Variants in ANKS3 observed in about 807,000 individuals in gnomAD.
ANKS3 encodes ankyrin repeat and sterile alpha motif domain containing 3, also known as ankyrin repeat and SAM domain-containing protein 3.
A neutral mutation model predicts 80.7 loss-of-function variants in ANKS3; 62 were observed. The observed-to-expected ratio is 0.77, with a 90% CI of 0.63 to 0.95. The LOEUF is 0.95. Ranked by LOEUF, ANKS3 falls within the 40% of genes least tolerant of loss-of-function variation. The pLI is 0.00. For synonymous variants in ANKS3, 489 were observed against 355.3 expected, an observed-to-expected ratio of 1.38 and a Z score of -4.23; for missense variants, 1,150 against 883.6, an observed-to-expected ratio of 1.30 and a Z score of -3.82.
At chr16:4,698,103 T>TGGCCGCTGCAGAGCCCC in intron 14 of ANKS3, 41 bp from the exon 15 acceptor site, 1 of 1,547,090 alleles carries the variant, frequency 6.5e-7, no homozygotes, top group Non-Finnish European at 8.8e-7. Context: ...AGCAGAGGCC[T>TGGCCGCTGCAGAGCCCC]GGCCGCTGCA....
At chr16:4,731,459 T>G (rs1210072119) in intron 2 of ANKS3, 53 bp downstream of exon 2, 1 of 172,680 alleles carries the variant, frequency 5.8e-6, no homozygotes, top group Non-Finnish European at 1.1e-5. Flanking sequence ...TTTGTATTTT[T>G]AGTAGAGACG....
At chr16:4,707,351 G>T (rs931663451) in intron 7 of ANKS3, among the ~76,000 whole-genome samples, 1 of 147,638 alleles carries the variant, frequency 6.8e-6, no homozygotes, top group East Asian at 2.0e-4. Flanking sequence ...GCACAATCTC[G>T]GCTCATTGTA....
At chr16:4,704,516 C>T (rs2080084026) in intron 8 of ANKS3, among the ~76,000 whole-genome samples, 1 of 152,158 alleles carries the variant, frequency 6.6e-6, no homozygotes. Flanking sequence ...CCCCAGCACT[C>T]CCCAAGAGCA....
At position 4,698,698 on chromosome 16, in the gene ANKS3, G is replaced by A. The variant is rs2079726937; in HGVS notation, c.1552-99C>T. ...CTGTGTGTGGGGCCCTCTCCCCACT[G>A]CATCCACCTGACCCCTCCACACAGC... On this transcript the variant is annotated intron_variant, in intron 13 of 17. Transcript: ENST00000304283. The A allele has an allele frequency of 4.6e-6, 7 of 1,529,628 alleles. No homozygotes were observed. In the Admixed American group the frequency reaches 7.6e-5, roughly 17 times the overall value. The allele number at this position is 1,529,628 out of a possible 1,614,324, so 94.8% of individuals were successfully genotyped here.
At chr16:4,709,188 C>T (rs997688396) in intron 7 of ANKS3, among the ~76,000 whole-genome samples, 11 of 151,866 alleles carry the variant, frequency 7.2e-5, no homozygotes, top group African/African-American at 2.7e-4. Flanking sequence ...GGGTGGACCA[C>T]CTTATGTCGG....
At chr16:4,718,705 C>G (rs1205486072) in intron 6 of ANKS3, among the ~76,000 whole-genome samples, 1 of 152,222 alleles carries the variant, frequency 6.6e-6, no homozygotes, top group Admixed American at 6.5e-5. Context: ...CGCTGGCAGG[C>G]AAACCACCCA....
At chr16:4,730,414 C>A (rs533421569) in intron 2 of ANKS3, among the ~76,000 whole-genome samples, 4 of 152,314 alleles carry the variant, frequency 2.6e-5, no homozygotes, top group African/African-American at 9.6e-5. Context: ...GTACCTGCTC[C>A]TCCTTCCAAC....
At chr16:4,704,390 G>A (rs1381118621) in intron 8 of ANKS3, among the ~76,000 whole-genome samples, 1 of 152,116 alleles carries the variant, frequency 6.6e-6, no homozygotes, top group African/African-American at 2.4e-5. Flanking sequence ...GCCTTGGCCT[G>A]GCTATGAGTG....
chr16:4,720,049 C>G (rs1055787691), intron 6 of ANKS3, among the ~76,000 whole-genome samples: 8 of 148,860 alleles, frequency 5.4e-5, no homozygotes, highest in African/African-American at 2.0e-4. Context: ...GGAATCCCAG[C>G]TACTCGGGAG....
Position 4,726,642 on chromosome 16 carries a change from A to C in ANKS3, c.491+17T>G. On this transcript the variant is annotated intron_variant, in intron 5 of 17. Transcript: ENST00000304283. ...CACCTAGGCCACTCCTGTGGCCACT[A>C]AAGATGTGGCAATCACCTCACGTTG... 1 of 1,611,886 alleles carries C rather than the reference A, an allele frequency of 6.2e-7. No individual in the cohort carries two copies.
intron 6 of ANKS3, among the ~76,000 whole-genome samples, chr16:4,721,319 A>G (rs546944934): frequency 1.5e-4 from 22 of 149,970 alleles, no homozygotes; most frequent in African/African-American, 2.2e-4. Context: ...AAAAAAAAAA[A>G]AGAGAGGGGC....
Position 4,724,786 on chromosome 16 carries a change from A to T in ANKS3, c.537T>A (p.Ala179=). 1 of 1,614,126 alleles carries T rather than the reference A, an allele frequency of 6.2e-7. No individual in the cohort carries two copies. The highest frequency in any genetic ancestry group is 8.5e-7 in the Non-Finnish European group (1 of 1,179,986). ...AATACTGCACGATTATCTCATGGCC[A>T]GCAGCAGCTGCTTCCATCAAGGGAG... is the stretch of plus-strand genomic sequence containing the variant. The part of the protein sequence containing the change: ...GFTPLMEAAA[A]GHEIIVQYFL... Residue 179 remains alanine (A), a synonymous_variant, in exon 6 of 18, where the codon GCT becomes GCA. Coordinates refer to ENST00000304283, the MANE Select transcript of ANKS3 (RefSeq NM_133450.4).
chr16:4,714,384 G>A, intron 6 of ANKS3, 198 bp from the exon 7 acceptor site: 2 of 737,896 alleles, frequency 2.7e-6, no homozygotes, highest in Non-Finnish European at 4.3e-6. Flanking sequence ...TCTTCTTAGG[G>A]ACAAGGATGA....
chr16:4,702,903 T>A (rs927850317), intron 8 of ANKS3, among the ~76,000 whole-genome samples: 1 of 152,102 alleles, frequency 6.6e-6, no homozygotes, highest in Non-Finnish European at 1.5e-5. Flanking sequence ...CTTGGGAGGC[T>A]GAGACAGGAG....
rs148087915 is a variant in ANKS3 at position 4,697,222 on chromosome 16, G to A, written c.1894+111C>T. On this transcript the variant is annotated intron_variant, in intron 16 of 17. Transcript: ENST00000304283. Reference sequence around the variant, plus strand: ...CCTCACCCGTTATGGCCCCAGCCCCGAGGTCAGCCTTGGGGTAGAGAGACA... The same window carrying A: ...CCTCACCCGTTATGGCCCCAGCCCCAAGGTCAGCCTTGGGGTAGAGAGACA... The A allele has an allele frequency of 3.7e-4, 567 of 1,537,168 alleles. 4 individuals carry two copies. The African/African-American group carries it at 6.9e-3, about 19-fold the overall frequency.
At chr16:4,708,025 G>T (rs1040870871) in intron 7 of ANKS3, among the ~76,000 whole-genome samples, 3 of 152,148 alleles carry the variant, frequency 2.0e-5, no homozygotes, top group Non-Finnish European at 4.4e-5. Flanking sequence ...TGAGGCAGGA[G>T]AGTCGCTTGA....
At chr16:4,728,941 C>T (rs1052653699) in intron 3 of ANKS3, among the ~76,000 whole-genome samples, 1 of 152,092 alleles carries the variant, frequency 6.6e-6, no homozygotes. Flanking sequence ...ACTTGGGAAC[C>T]GGAGACCTGG....
intron 7 of ANKS3, among the ~76,000 whole-genome samples, chr16:4,712,140 G>T (rs1324054310): frequency 6.6e-6 from 1 of 152,022 alleles, no homozygotes; most frequent in Non-Finnish European, 1.5e-5. Context: ...GGAGGCTGAG[G>T]CAGGCGGATC....
chr16:4,705,243 T>C lies in ANKS3; in HGVS notation c.720A>G (p.Glu240=). Residue 240 remains glutamate (E), a synonymous_variant, in exon 8 of 18, where the codon GAA becomes GAG. Coordinates refer to ENST00000304283, the MANE Select transcript of ANKS3 (RefSeq NM_133450.4). The part of the protein sequence containing the change: ...KSLYRSPEKY[E]DLSSSDESCP... ...AGGACTCGTCAGAAGAGCTCAGATC[T>C]TCGTACTTTTCTGTGATCAAACACC... 6.2e-7 allele frequency: 1 copy of C among 1,613,716 alleles called. No individual in the cohort carries two copies. The highest frequency in any genetic ancestry group is 2.2e-5 in the East Asian group (1 of 44,878).
Sources: allele counts gnomAD v4.1 joint callset (sites outside exome capture counted in the v4.1 genomes callset), GRCh38; gene constraint gnomAD v4.1.1; transcripts MANE v1.5; gene names NCBI Gene and HGNC (gene_info 2026-07-23, HGNC 2026-07-21).